The following CD59 variants were observed in gnomAD, a reference collection of about 807,000 sequenced individuals.
The protein encoded by CD59 is CD59 glycoprotein.
CD59 carries 3 observed loss-of-function variants against 7.0 expected under a neutral mutation model. The observed-to-expected ratio is 0.43, with a 90% confidence interval of 0.19 to 1.10. CD59 has a LOEUF of 1.10. Among genes scored for constraint, CD59 ranks in the 50% least tolerant of loss-of-function variants. The pLI is 0.29. For synonymous variants in CD59, 60 were observed against 62.0 expected (o/e 0.97, Z 0.15); for missense variants, 143 against 151.0 (o/e 0.95, Z 0.28).
chr11:33,709,175 C>A lies in CD59; in HGVS notation c.*951G>T, dbSNP rs890166381. 3 of 152,188 alleles carry A rather than the reference C, an allele frequency of 2.0e-5. No individual in the cohort carries two copies. The highest frequency in any genetic ancestry group is 4.8e-5 in the African/African-American group (2 of 41,438). The allele number at this position is 152,188 out of a possible 1,614,324, so 9.4% of individuals were successfully genotyped here. ...GAGTCAGCTAGGAGTTAGCAGGAGG[C>A]TGGATGCAGATGGTAAAACATACCC... On this transcript the variant is annotated 3_prime_UTR_variant, in exon 4 of 4. Transcript: ENST00000642928.
At chr11:33,729,372 A>G (rs904152578) in intron 1 of CD59, among the ~76,000 whole-genome samples, 2 of 152,328 alleles carry the variant, frequency 1.3e-5, no homozygotes, top group Admixed American at 6.5e-5. Context: ...TTGCAGGGAC[A>G]TGGATGAAAC....
chr11:33,717,523 CT>C (rs1321328070), intron 2 of CD59, 52 bp from the exon 3 acceptor site: 2 of 1,167,216 alleles, frequency 1.7e-6, no homozygotes, highest in South Asian at 2.5e-5. Flanking sequence ...GACTTGTCCC[CT>C]GGCAGCCCAC....
At chr11:33,721,657 A>T (rs1334553714) in intron 2 of CD59, among the ~76,000 whole-genome samples, 1 of 152,174 alleles carries the variant, frequency 6.6e-6, no homozygotes, top group Non-Finnish European at 1.5e-5. Flanking sequence ...TTCCTCCAGC[A>T]ACCAGGGGAG....
chr11:33,717,308 A>C (rs1231835277), intron 3 of CD59, 62 bp downstream of exon 3: 13 of 1,058,638 alleles, frequency 1.2e-5, no homozygotes, highest in Middle Eastern at 2.0e-4. Flanking sequence ...CAGTGGCACA[A>C]TTTTTTTCCC....
chr11:33,723,667 C>T (rs928365661), intron 1 of CD59, among the ~76,000 whole-genome samples: 8 of 152,214 alleles, frequency 5.3e-5, no homozygotes, highest in African/African-American at 1.9e-4. Context: ...CTACGGGACA[C>T]CATCCCCCAT....
At chr11:33,720,776 T>C (rs1234196570) in intron 2 of CD59, among the ~76,000 whole-genome samples, 1 of 151,352 alleles carries the variant, frequency 6.6e-6, no homozygotes, top group Non-Finnish European at 1.5e-5. Context: ...CAGTGGACAA[T>C]GGTTTGATAT....
rs565728953 is a variant in CD59 at position 33,728,125 on chromosome 11, C to G, written c.-18-5662G>C. 4.6e-5 allele frequency among the ~76,000 whole-genome samples: 7 copies of G among 152,280 alleles called. No homozygotes were observed. In the South Asian group the frequency reaches 1.5e-3, roughly 32 times the overall value. On this transcript the variant is annotated intron_variant, in intron 1 of 3. Transcript: ENST00000642928. The stretch of plus-strand genomic sequence containing the variant: ...GTAGTTTATAGATTCAATGCTATTC[C>G]CATCAAGCTACCACTGACTTTCTTC...
At chr11:33,729,518 G>T (rs1240903418) in intron 1 of CD59, among the ~76,000 whole-genome samples, 1 of 151,888 alleles carries the variant, frequency 6.6e-6, no homozygotes, top group Non-Finnish European at 1.5e-5. Context: ...GGCCTGTCGG[G>T]AGTTGGGGGG....
In CD59 at chr11:33,736,122, G is replaced by A. The variant is rs186996687; in HGVS notation, c.-19+260C>T. On this transcript the variant is annotated intron_variant, in intron 1 of 3. Coordinates refer to ENST00000642928, the MANE Select transcript of CD59 (RefSeq NM_000611.6). The surrounding 1 kb of genome is among the most constrained non-coding windows in gnomAD (Gnocchi z 4.4). ...CCCCGAGGGAATGGGGGGCGCGACG[G>A]GGGTAACGGGGCTGCTTCTGGGAGA... Among the ~76,000 whole-genome samples the A allele has an allele frequency of 1.1e-3, 165 of 152,216 alleles. 2 individuals are homozygous for A. Among genetic ancestry groups the A allele is most frequent in the Admixed American group, 2.6e-3 (40 of 15,296 alleles).
intron 1 of CD59, among the ~76,000 whole-genome samples, chr11:33,732,544 A>T (rs1854450428): frequency 6.6e-6 from 1 of 152,206 alleles, no homozygotes; most frequent in African/African-American, 2.4e-5. Flanking sequence ...ACCCAGTCTC[A>T]GGTACTTCTT....
rs530378624 is a variant in CD59, at chr11:33,705,412, T to C, written c.*4714A>G. 5 of 152,440 alleles carry C rather than the reference T, an allele frequency of 3.3e-5. No homozygotes were observed. In the South Asian group the frequency reaches 1.0e-3, roughly 32 times the overall value. 9.4% of individuals were successfully genotyped at this position (152,440 alleles called of 1,614,324 possible). A position where few individuals can be genotyped will look rare whatever the true frequency, so the allele number is the denominator to read the frequency against. On this transcript the variant is annotated 3_prime_UTR_variant, in exon 4 of 4. Coordinates refer to ENST00000642928, the MANE Select transcript of CD59 (RefSeq NM_000611.6). ...GATCCAGGTAGCAGGAAGGAATCGG[T>C]AGCCTCTTTGGTATGGCCACTATGG...
intron 1 of CD59, among the ~76,000 whole-genome samples, chr11:33,730,780 A>C (rs1854394132): frequency 6.6e-6 from 1 of 152,210 alleles, no homozygotes; most frequent in African/African-American, 2.4e-5. Flanking sequence ...AGACCCTTAC[A>C]GGGTGCCACA....
rs1853325524 is a variant in CD59, at chr11:33,706,718, T to G, written c.*3408A>C. Reference sequence around the variant, plus strand: ...TGAGAAACAGATGGGAAGATAGTGTTTTGATATGATTTTCTGTTTACAGGA... The same window carrying G: ...TGAGAAACAGATGGGAAGATAGTGTGTTGATATGATTTTCTGTTTACAGGA... On this transcript the variant is annotated 3_prime_UTR_variant, in exon 4 of 4. Coordinates refer to ENST00000642928, the MANE Select transcript of CD59 (RefSeq NM_000611.6). The G allele has an allele frequency of 6.6e-6, 1 of 152,168 alleles. No homozygotes were observed. The highest frequency in any genetic ancestry group is 1.5e-5 in the Non-Finnish European group (1 of 68,038). 9.4% of individuals were successfully genotyped at this position (152,168 alleles called of 1,614,324 possible).
intron 1 of CD59, chr11:33,733,650 T>C (rs1439449918): frequency 6.6e-6 from 1 of 152,140 alleles, no homozygotes; most frequent in Non-Finnish European, 1.5e-5. Flanking sequence ...AAAATTATTA[T>C]AGCAACCTCT....
intron 3 of CD59, among the ~76,000 whole-genome samples, chr11:33,715,315 T>G (rs370602271): frequency 1.3e-5 from 2 of 152,188 alleles, no homozygotes; most frequent in African/African-American, 4.8e-5. Flanking sequence ...AAGTTCCCAC[T>G]GCTGCTGGGC....
At chr11:33,717,215 T>C (rs771444048) in intron 3 of CD59, among the ~76,000 whole-genome samples, 155 bp downstream of exon 3, 4 of 152,210 alleles carry the variant, frequency 2.6e-5, no homozygotes, top group Non-Finnish European at 5.9e-5. Flanking sequence ...AAATTTAAAA[T>C]GTATGAAGAA....
intron 1 of CD59, chr11:33,723,163 C>T (rs1264422965): frequency 3.2e-5 from 5 of 154,452 alleles, no homozygotes; most frequent in African/African-American, 1.2e-4. Context: ...CATAGCAGAA[C>T]TAAGAAATCT....
At chr11:33,715,931 G>A (rs192362716) in intron 3 of CD59, among the ~76,000 whole-genome samples, 177 of 152,256 alleles carry the variant, frequency 1.2e-3, no homozygotes, top group African/African-American at 3.7e-3. Context: ...TGCCCTTATC[G>A]TCTCATTTGG....
intron 1 of CD59, among the ~76,000 whole-genome samples, chr11:33,724,632 G>A (rs990393586): frequency 6.6e-6 from 1 of 152,182 alleles, no homozygotes; most frequent in Middle Eastern, 3.2e-3. Flanking sequence ...GGGGTGAACG[G>A]TGGGAAGGCA....
Sources: gnomAD v4.1 joint callset for allele counts (sites outside exome capture counted in the v4.1 genomes callset) on GRCh38, gnomAD v4.1.1 for gene constraint, Gnocchi (gnomAD v3.1) non-coding constraint, MANE v1.5 for transcripts, NCBI Gene and HGNC (gene_info 2026-07-23, HGNC 2026-07-21) for gene names.